The following SNX20 variants were observed in gnomAD, a reference collection of about 807,000 sequenced individuals.
The protein encoded by SNX20 is sorting nexin 20.
Under a neutral mutation model 24.5 loss-of-function variants are expected in SNX20, and 21 were observed. The ratio of observed to expected loss-of-function variants is 0.86; its 90% CI spans 0.61 to 1.23. The LOEUF is 1.23. Ranked by LOEUF, SNX20 falls within the 50% of genes most tolerant of loss-of-function variation. The pLI, the probability that SNX20 is intolerant of heterozygous loss-of-function variation, is 0.00. For synonymous variants in SNX20, 206 were observed against 192.8 expected (o/e 1.07, Z -0.57); for missense variants, 433 against 430.8 (o/e 1.00, Z -0.04).
downstream of SNX20, chr16:50,668,618 A>G (rs1217762928): frequency 1.3e-5 from 13 of 1,018,464 alleles, no homozygotes; most frequent in Middle Eastern, 4.8e-4. Flanking sequence ...TGGGCCCCAG[A>G]GGGAAGGGCT....
intron 1 of SNX20, among the ~76,000 whole-genome samples, chr16:50,678,882 GC>G (rs1963238245): frequency 6.6e-6 from 1 of 152,208 alleles, no homozygotes. Flanking sequence ...TCAGCTCAGG[GC>G]CCTGTCCATC....
At chr16:50,666,730 C>G (rs1204976017), downstream of SNX20, 1 of 152,380 alleles carries the variant, frequency 6.6e-6, no homozygotes, top group East Asian at 1.9e-4. Flanking sequence ...CCCCTCAGCC[C>G]CCACCCCAGC....
At position 50,675,931 on chromosome 16, in the gene SNX20, C is replaced by T. The variant is rs777712453; in HGVS notation, c.131-10G>A. ...AGGCCACTGTGTGTGTCTGGAAGGACAACACCCTTAAGGATCTGCACCCTG... is the reference window on the plus strand; with the variant it reads ...AGGCCACTGTGTGTGTCTGGAAGGATAACACCCTTAAGGATCTGCACCCTG... On this transcript the variant is annotated splice_polypyrimidine_tract_variant and intron_variant, in intron 2 of 3. Transcript: ENST00000330943. 6.3e-7 allele frequency: 1 copy of T among 1,598,962 alleles called. No individual in the cohort carries two copies. The highest frequency in any genetic ancestry group is 1.1e-5 in the South Asian group (1 of 89,856).
rs1356355382 is a variant in SNX20 at position 50,677,535 on chromosome 16, G to C, written c.-9C>G. The C allele has an allele frequency of 1.9e-6, 3 of 1,560,858 alleles. No individual in the cohort carries two copies. Among genetic ancestry groups the C allele is most frequent in the Non-Finnish European group, 2.6e-6 (3 of 1,149,604 alleles). On this transcript the variant is annotated splice_region_variant and 5_prime_UTR_variant, in exon 2 of 4. Transcript: ENST00000330943. ...TGCTCTGGACTTGCCATGCTCCAAG[G>C]CTGCCAGAGGAAAAAGAGAACAGTG...
downstream of SNX20, chr16:50,671,188 T>C (rs945209669): frequency 6.7e-6 from 1 of 149,250 alleles, no homozygotes; most frequent in Non-Finnish European, 1.5e-5. Flanking sequence ...CTTATAGGCC[T>C]GGCTTGATGC....
rs1963124085 is a variant in SNX20, at chr16:50,674,009, G to A, written c.348C>T (p.Arg116=). 6.2e-7 allele frequency: 1 copy of A among 1,612,070 alleles called. No individual in the cohort carries two copies. The highest frequency in any genetic ancestry group is 8.5e-7 in the Non-Finnish European group (1 of 1,179,240). The change falls in exon 4 of 4, where the codon CGC becomes CGT. Residue 116 remains arginine (R), a synonymous_variant. Transcript: ENST00000330943. ...FDNNKAVLER[R]YSDFAKLQKA... ...TCTGGAGCTTCGCGAAGTCGGAATA[G>A]CGCCGTTCCAGGACGGCCTTGTTGT...
At position 50,673,719 on chromosome 16, in the gene SNX20, G is replaced by A; in HGVS notation, c.638C>T (p.Pro213Leu). 6 of 1,499,268 alleles carry A rather than the reference G, an allele frequency of 4.0e-6. No individual in the cohort carries two copies. The highest frequency in any genetic ancestry group is 4.4e-6 in the Non-Finnish European group (5 of 1,132,568). The allele number at this position is 1,499,268 out of a possible 1,614,324, so 92.9% of individuals were successfully genotyped here. ...GTGGGCGGTGAGCTTCTCCTGCAGCGGCAGCACGCGCAGCAGCAGCTCCAG... is the reference window on the plus strand; with the variant it reads ...GTGGGCGGTGAGCTTCTCCTGCAGCAGCAGCACGCGCAGCAGCAGCTCCAG... The part of the protein sequence containing the change: ...RALELLLRVL[P>L]LQEKLTAHCP... The change falls in exon 4 of 4, where the codon CCG becomes CTG. Residue 213 changes from proline (P) to leucine (L), a missense_variant. Transcript: ENST00000330943. The surrounding 1 kb of genome is among the most constrained non-coding windows in gnomAD (Gnocchi z 4.1).
chr16:50,670,212 GAGAGA>G (rs1963012172), downstream of SNX20: 1 of 152,354 alleles, frequency 6.6e-6, no homozygotes, highest in Admixed American at 6.5e-5. Flanking sequence ...GGCCCGGGTG[GAGAGA>G]AGAGAAGGAT....
chr16:50,675,445 G>A (rs1170545023), intron 3 of SNX20, among the ~76,000 whole-genome samples: 1 of 152,144 alleles, frequency 6.6e-6, no homozygotes. Context: ...AAAAAAATAA[G>A]TAATAATAAT....
Position 50,673,784 on chromosome 16 carries a change from C to A in SNX20, c.573G>T (p.Glu191Asp). The A allele has an allele frequency of 6.4e-7, 1 of 1,560,838 alleles. No individual in the cohort carries two copies. Residue 191 changes from glutamate (E) to aspartate (D), a missense_variant, in exon 4 of 4, where the codon GAG becomes GAT. Physicochemically the swap from Glu to Asp is conservative, Grantham distance 45. Transcript: ENST00000330943. This position sits in a 1 kb window ranked among gnomAD's most constrained non-coding sequence, Gnocchi z 4.1. ...GGCCGGCCCGCAGGCAGCCGAAAGC[C>A]TCGCGCAGCTCCGGCCGCGTGAGGA... ...LDFLTRPELR[E>D]AFGCLRAGQY...
chr16:50,670,380 C>T (rs769800383), downstream of SNX20: 1 of 152,230 alleles, frequency 6.6e-6, no homozygotes, highest in Non-Finnish European at 1.5e-5. Flanking sequence ...AAAGTGCAGA[C>T]TCCGATTAAG....
intron 1 of SNX20, among the ~76,000 whole-genome samples, chr16:50,680,143 A>G (rs946901121): frequency 1.3e-5 from 2 of 152,182 alleles, no homozygotes; most frequent in African/African-American, 4.8e-5. Flanking sequence ...AGGAGGGGGA[A>G]GGAAAGAGTT....
chr16:50,678,459 A>G (rs986087244), intron 1 of SNX20, among the ~76,000 whole-genome samples: 1 of 152,206 alleles, frequency 6.6e-6, no homozygotes, highest in Non-Finnish European at 1.5e-5. Context: ...GCAAAGCTGA[A>G]TTTGTCTCCA....
Position 50,673,691 on chromosome 16 carries a change from G to A in SNX20, c.666C>T (p.Cys222=). 6.7e-7 allele frequency: 1 copy of A among 1,498,866 alleles called. No individual in the cohort carries two copies. The highest frequency in any genetic ancestry group is 8.8e-7 in the Non-Finnish European group (1 of 1,132,520). The allele number at this position is 1,498,866 out of a possible 1,614,324, so 92.8% of individuals were successfully genotyped here. A position where few individuals can be genotyped will look rare whatever the true frequency, so the allele number is the denominator to read the frequency against. ...ACAGGGCCGGGACGGCGGCCGCAGG[G>A]CAGTGGGCGGTGAGCTTCTCCTGCA... is the stretch of plus-strand genomic sequence containing the variant. ...LPLQEKLTAH[C]PAAAVPALCA... is the part of the protein sequence containing the mutation. The change falls in exon 4 of 4, where the codon TGC becomes TGT. Residue 222 remains cysteine (C), a synonymous_variant. Coordinates refer to ENST00000330943, the MANE Select transcript of SNX20 (RefSeq NM_182854.4). This position sits in a 1 kb window ranked among gnomAD's most constrained non-coding sequence, Gnocchi z 4.1.
chr16:50,668,898 T>C (rs1292335486), downstream of SNX20: 4 of 1,454,446 alleles, frequency 2.8e-6, no homozygotes, highest in Non-Finnish European at 3.6e-6. Context: ...GAACTGTGCC[T>C]CCCAGCCTGA....
At position 50,676,434 on chromosome 16, in the gene SNX20, C is replaced by T. The variant is rs111274836; in HGVS notation, c.131-513G>A. 5.4e-4 allele frequency among the ~76,000 whole-genome samples: 82 copies of T among 152,274 alleles called. 3 individuals are homozygous for T. Among genetic ancestry groups the T allele is most frequent in the African/African-American group, 1.8e-3 (75 of 41,564 alleles). On this transcript the variant is annotated intron_variant, in intron 2 of 3. Transcript: ENST00000330943. ...AACTGCCCACATGCCGGGCTCTTCT[C>T]GGACGTGCACTGCTCTGCCTTGCAT...
At chr16:50,667,891 G>C, downstream of SNX20, 1 of 973,244 alleles carries the variant, frequency 1.0e-6, no homozygotes, top group Non-Finnish European at 1.6e-6. Context: ...GGAGGGGAGG[G>C]CATTTTCTTG....
chr16:50,676,380 C>T (rs887046239), intron 2 of SNX20, among the ~76,000 whole-genome samples: 2 of 152,050 alleles, frequency 1.3e-5, no homozygotes, highest in Admixed American at 6.6e-5. Context: ...CCAGCCTCAG[C>T]GGGCTGGCCC....
chr16:50,674,211 TTG>T, intron 3 of SNX20, 137 bp from the exon 4 acceptor site: 1 of 846,036 alleles, frequency 1.2e-6, no homozygotes, highest in Non-Finnish European at 1.6e-6. Context: ...AATTGTTTGT[TTG>T]TTTGTTTGTT....
Sources: allele counts gnomAD v4.1 joint callset (sites outside exome capture counted in the v4.1 genomes callset), GRCh38; gene constraint gnomAD v4.1.1; non-coding constraint Gnocchi (gnomAD v3.1); transcripts MANE v1.5; gene names NCBI Gene and HGNC (gene_info 2026-07-23, HGNC 2026-07-21).